The following SLCO3A1 variants were observed in gnomAD, a reference collection of about 807,000 sequenced individuals.
The protein encoded by SLCO3A1 is PGE1 transporter.
In SLCO3A1, 27 loss-of-function variants were observed where a neutral mutation model predicts 63.1. The ratio of observed to expected loss-of-function variants is 0.43; its 90% CI spans 0.32 to 0.59. The LOEUF is 0.59. Ranked by LOEUF, SLCO3A1 falls within the 20% of genes least tolerant of loss-of-function variation. The probability of loss-of-function intolerance (pLI) is 0.09; values close to 1 mark genes in which losing one functional copy is unlikely to be tolerated. For synonymous variants in SLCO3A1, 473 were observed against 409.9 expected, an observed-to-expected ratio of 1.15 and a Z score of -1.86; for missense variants, 773 against 945.8, an observed-to-expected ratio of 0.82 and a Z score of 2.40.
At chr15:92,080,995 G>A (rs571697897) in intron 2 of SLCO3A1, among the ~76,000 whole-genome samples, 45 of 144,560 alleles carry the variant, frequency 3.1e-4, no homozygotes, top group African/African-American at 6.9e-4. Context: ...TATGGGGTAC[G>A]TGAGATTTTT....
At chr15:91,947,567 T>C (rs1899851985) in intron 2 of SLCO3A1, among the ~76,000 whole-genome samples, 1 of 152,228 alleles carries the variant, frequency 6.6e-6, no homozygotes, top group Admixed American at 6.5e-5. Context: ...CTGGTCATTG[T>C]GGGCAGGAAG....
chr15:92,024,710 A>G (rs775670805), intron 2 of SLCO3A1, among the ~76,000 whole-genome samples: 1 of 152,252 alleles, frequency 6.6e-6, no homozygotes, highest in Non-Finnish European at 1.5e-5. Context: ...AAACAGGATT[A>G]GAGGCTAGAG....
At chr15:92,039,461 G>A (rs981108108) in intron 2 of SLCO3A1, among the ~76,000 whole-genome samples, 1 of 152,142 alleles carries the variant, frequency 6.6e-6, no homozygotes, top group African/African-American at 2.4e-5. Context: ...ATCAAACATA[G>A]GAAGAAAAGC....
chr15:92,147,682 G>GTGAGCAGTGACCATTCT (rs1326907237), intron 8 of SLCO3A1, among the ~76,000 whole-genome samples: 3 of 152,176 alleles, frequency 2.0e-5, no homozygotes, highest in African/African-American at 7.2e-5. Flanking sequence ...CTCACGGCAG[G>GTGAGCAGTGACCATTCT]TGAGCAGTGA....
chr15:91,995,869 G>A (rs1450095616), intron 2 of SLCO3A1, among the ~76,000 whole-genome samples: 1 of 151,554 alleles, frequency 6.6e-6, no homozygotes, highest in Non-Finnish European at 1.5e-5. Flanking sequence ...TTTAGACATA[G>A]AAGGTAACTT....
chr15:92,050,724 C>T (rs1156579766), intron 2 of SLCO3A1, among the ~76,000 whole-genome samples: 4 of 152,160 alleles, frequency 2.6e-5, no homozygotes, highest in Non-Finnish European at 1.5e-5. Context: ...AGGTCACGTC[C>T]CTGCTTAAAA....
At chr15:91,889,045 A>AAC in intron 1 of SLCO3A1, 1 of 701,332 alleles carries the variant, frequency 1.4e-6, no homozygotes, top group Admixed American at 4.9e-5. Context: ...AAAAAAAAAA[A>AAC]CCTACAATTA....
chr15:92,125,203 A>G (rs2047906563), intron 5 of SLCO3A1, among the ~76,000 whole-genome samples: 1 of 152,194 alleles, frequency 6.6e-6, no homozygotes, highest in African/African-American at 2.4e-5. Flanking sequence ...TTGATTGGCA[A>G]GAAGGCAGCC....
intron 2 of SLCO3A1, among the ~76,000 whole-genome samples, chr15:91,921,508 A>G (rs1898843902): frequency 6.6e-6 from 1 of 152,132 alleles, no homozygotes; most frequent in Non-Finnish European, 1.5e-5. Flanking sequence ...GCTGTATTGT[A>G]ATTTTTCTCT....
chr15:92,109,226 A>C (rs1160236556), intron 4 of SLCO3A1, among the ~76,000 whole-genome samples: 1 of 152,106 alleles, frequency 6.6e-6, no homozygotes. Context: ...TTGTAGATGG[A>C]AGGGAAAGGC....
chr15:92,008,752 C>T (rs965613233), intron 2 of SLCO3A1, among the ~76,000 whole-genome samples: 4 of 152,140 alleles, frequency 2.6e-5, no homozygotes, highest in Admixed American at 6.5e-5. Flanking sequence ...GTGATTATTA[C>T]GCCTAGAAAA....
At chr15:91,982,821 G>C (rs952151787) in intron 2 of SLCO3A1, among the ~76,000 whole-genome samples, 16 of 152,356 alleles carry the variant, frequency 1.1e-4, no homozygotes, top group Admixed American at 9.8e-4. Context: ...AGCTGCACGG[G>C]CTTGCCCAAG....
chr15:91,906,597 C>G lies in SLCO3A1; in HGVS notation c.181-9396C>G, dbSNP rs117073620. On this transcript the variant is annotated intron_variant, in intron 1 of 9. Transcript: ENST00000318445. ...TCAAATGAGGGCCTTAGACTAAGATCTCTGTCTTGAGAATATGTCTGGTCC... is the reference window on the plus strand; with the variant it reads ...TCAAATGAGGGCCTTAGACTAAGATGTCTGTCTTGAGAATATGTCTGGTCC... Among the ~76,000 whole-genome samples the G allele has an allele frequency of 6.2e-3, 944 of 152,308 alleles. 6 individuals carry two copies. Among genetic ancestry groups the G allele is most frequent in the South Asian group, 0.012 (59 of 4,826 alleles).
intron 4 of SLCO3A1, among the ~76,000 whole-genome samples, 158 bp from the exon 5 acceptor site, chr15:92,120,307 G>A (rs2047848159): frequency 6.6e-6 from 1 of 152,104 alleles, no homozygotes; most frequent in Non-Finnish European, 1.5e-5. Context: ...ATGACTTATG[G>A]GGTGTAGATT....
At chr15:92,080,744 CT>C (rs1567108708) in intron 2 of SLCO3A1, among the ~76,000 whole-genome samples, 1 of 152,168 alleles carries the variant, frequency 6.6e-6, no homozygotes, top group Non-Finnish European at 1.5e-5. Flanking sequence ...CTTTGGCTGG[CT>C]TTACGAGAGA....
At chr15:91,909,725 C>T (rs11630504) in intron 1 of SLCO3A1, among the ~76,000 whole-genome samples, 44,560 of 152,142 alleles carry the variant, frequency 0.29, 7,633 homozygotes, top group East Asian at 0.72. Flanking sequence ...CCTGCTCTCA[C>T]CCTTCACAAG....
At chr15:92,016,214 TAGA>T (rs752633773) in intron 2 of SLCO3A1, among the ~76,000 whole-genome samples, 204 of 82,160 alleles carry the variant, frequency 2.5e-3, no homozygotes, top group Non-Finnish European at 4.0e-3. Context: ...TATAGATAGA[TAGA>T]TAGATAGATA....
At chr15:92,076,770 G>A (rs2047282622) in intron 2 of SLCO3A1, among the ~76,000 whole-genome samples, 2 of 152,190 alleles carry the variant, frequency 1.3e-5, no homozygotes, top group Non-Finnish European at 2.9e-5. Flanking sequence ...GCCTGTAGTC[G>A]CACAGCCTGG....
chr15:92,168,263 T>C (rs2048503746), downstream of SLCO3A1, among the ~76,000 whole-genome samples: 1 of 152,176 alleles, frequency 6.6e-6, no homozygotes, highest in African/African-American at 2.4e-5. Context: ...AACTAAGAAC[T>C]AAAGAGCAGT....
Sources: allele counts gnomAD v4.1 joint callset (sites outside exome capture counted in the v4.1 genomes callset), GRCh38; gene constraint gnomAD v4.1.1; transcripts MANE v1.5; gene names NCBI Gene and HGNC (gene_info 2026-07-23, HGNC 2026-07-21).